The following CPEB4 variants were observed in gnomAD, a reference collection of about 807,000 sequenced individuals.
CPEB4 encodes the protein cytoplasmic polyadenylation element-binding protein 4.
CPEB4 carries 12 observed loss-of-function variants against 72.5 expected under a neutral mutation model. The ratio of observed to expected loss-of-function variants is 0.17; its 90% CI spans 0.11 to 0.27. The LOEUF (loss-of-function observed/expected upper bound fraction) is 0.27, where lower values mean the gene tolerates loss of function less well. Among genes scored for constraint, CPEB4 ranks in the 10% least tolerant of loss-of-function variants. The pLI is 1.00. For synonymous variants in CPEB4, 302 were observed against 326.3 expected (o/e 0.93, Z 0.80); for missense variants, 614 against 908.5 (o/e 0.68, Z 4.17).
intron 2 of CPEB4, among the ~76,000 whole-genome samples, chr5:173,925,505 A>C (rs1403672914): frequency 6.6e-6 from 1 of 152,238 alleles, no homozygotes; most frequent in Non-Finnish European, 1.5e-5. Context: ...TAAATTATTA[A>C]AAATTAAATT....
chr5:173,905,724 T>G (rs1460896472), intron 1 of CPEB4, among the ~76,000 whole-genome samples: 1 of 152,214 alleles, frequency 6.6e-6, no homozygotes, highest in Non-Finnish European at 1.5e-5. Flanking sequence ...TGGGCAAAAG[T>G]GGTGGACTTT....
intron 1 of CPEB4, among the ~76,000 whole-genome samples, chr5:173,892,038 T>C (rs1755831967): frequency 6.6e-6 from 1 of 152,066 alleles, no homozygotes; most frequent in Non-Finnish European, 1.5e-5. Context: ...ACACATGTGC[T>C]ACAGCTAGAG....
chr5:173,904,764 T>A (rs1756365158), intron 1 of CPEB4, among the ~76,000 whole-genome samples: 1 of 151,932 alleles, frequency 6.6e-6, no homozygotes, highest in Non-Finnish European at 1.5e-5. Context: ...AACCAATCTG[T>A]GTAGTAAATT....
chr5:173,901,633 C>T (rs559471424), intron 1 of CPEB4, among the ~76,000 whole-genome samples: 1 of 152,308 alleles, frequency 6.6e-6, no homozygotes, highest in Non-Finnish European at 1.5e-5. Context: ...AAGTCAGACT[C>T]GACCACTTAC....
intron 5 of CPEB4, among the ~76,000 whole-genome samples, chr5:173,949,211 A>G (rs578214531): frequency 2.6e-5 from 4 of 152,318 alleles, no homozygotes; most frequent in East Asian, 1.9e-4. Context: ...GCAGATACCA[A>G]TAGTTATGTT....
chr5:173,889,666 G>T lies in CPEB4; in HGVS notation c.-68G>T, dbSNP rs1441387430. The T allele has an allele frequency of 2.2e-6, 3 of 1,378,568 alleles. No individual in the cohort carries two copies. Among genetic ancestry groups the T allele is most frequent in the Non-Finnish European group, 3.0e-6 (3 of 1,012,270 alleles). 85.4% of individuals were successfully genotyped at this position (1,378,568 alleles called of 1,614,324 possible). ...GCAAACAACTTAAATTTGGGGTAGAGGAAAAAAAAGGCGTGAGACATCAGG... is the reference window on the plus strand; with the variant it reads ...GCAAACAACTTAAATTTGGGGTAGATGAAAAAAAAGGCGTGAGACATCAGG... On this transcript the variant is annotated 5_prime_UTR_variant, in exon 1 of 10. The change creates a new upstream start codon in the 5' untranslated region. Coordinates refer to ENST00000265085, the MANE Select transcript of CPEB4 (RefSeq NM_030627.4).
intron 2 of CPEB4, among the ~76,000 whole-genome samples, chr5:173,924,512 C>T (rs1298255531): frequency 6.6e-6 from 1 of 152,212 alleles, no homozygotes; most frequent in African/African-American, 2.4e-5. Flanking sequence ...TGTCCTTTCT[C>T]TTACAAGTGG....
At position 173,920,826 on chromosome 5, in the gene CPEB4, G is replaced by T. The variant is rs1757044980; in HGVS notation, c.1207+10222G>T. The stretch of plus-strand genomic sequence containing the variant: ...TCTGGGTGTGGCAGTATTTCATATG[G>T]AGTAGTTTGTATAAGGGCTATAATC... On this transcript the variant is annotated intron_variant, in intron 2 of 9. Transcript: ENST00000265085. 5.3e-5 allele frequency among the ~76,000 whole-genome samples: 8 copies of T among 152,300 alleles called. No individual in the cohort carries two copies. The South Asian group carries it at 1.2e-3, about 24-fold the overall frequency.
intron 1 of CPEB4, among the ~76,000 whole-genome samples, chr5:173,909,971 G>C (rs966444992): frequency 6.6e-6 from 1 of 150,798 alleles, no homozygotes; most frequent in African/African-American, 2.4e-5. Context: ...CTGTACTCCA[G>C]CCTGGAACAG....
chr5:173,894,026 T>A (rs1755910824), intron 1 of CPEB4, among the ~76,000 whole-genome samples: 1 of 152,164 alleles, frequency 6.6e-6, no homozygotes, highest in Non-Finnish European at 1.5e-5. Flanking sequence ...AGGGTCTCGC[T>A]TTGTCACTCA....
Position 173,890,043 on chromosome 5 carries a change from G to C in CPEB4, c.310G>C (p.Ala104Pro). 1 of 1,614,170 alleles carries C rather than the reference G, an allele frequency of 6.2e-7. No homozygotes were observed. The highest frequency in any genetic ancestry group is 8.5e-7 in the Non-Finnish European group (1 of 1,180,028). The part of the protein sequence containing the change: ...QQLSPSPGQE[A>P]GILPETEKAK... ...GCTTTCCCCAAGTCCAGGTCAGGAAGCTGGAATACTGCCTGAAACAGAGAA... is the reference window on the plus strand; with the variant it reads ...GCTTTCCCCAAGTCCAGGTCAGGAACCTGGAATACTGCCTGAAACAGAGAA... Residue 104 changes from alanine (A) to proline (P), a missense_variant, in exon 1 of 10, where the codon GCT (alanine) becomes CCT (proline). By Grantham distance (27) the Ala-to-Pro change is conservative. Around this residue, in one of 5 missense-constraint regions of CPEB4, gnomAD observed 458 missense variants for 548.6 expected, o/e 0.83. Coordinates refer to ENST00000265085, the MANE Select transcript of CPEB4 (RefSeq NM_030627.4).
In CPEB4 at chr5:173,959,350, C is replaced by G. The variant is rs1344065831; in HGVS notation, c.*3213C>G. On this transcript the variant is annotated 3_prime_UTR_variant, in exon 10 of 10. Coordinates refer to ENST00000265085, the MANE Select transcript of CPEB4 (RefSeq NM_030627.4). ...GCTTTGGTATAATATATATACTTCT[C>G]CATACACAGACCTCTGCAGAATGCA... is the stretch of plus-strand genomic sequence containing the variant. The G allele has an allele frequency of 2.0e-5, 3 of 152,756 alleles. No individual in the cohort carries two copies. Among genetic ancestry groups the G allele is most frequent in the Non-Finnish European group, 1.5e-5 (1 of 68,026 alleles). The allele number at this position is 152,756 out of a possible 1,614,324, so 9.5% of individuals were successfully genotyped here.
At chr5:173,934,534 T>G (rs1757554929) in intron 3 of CPEB4, among the ~76,000 whole-genome samples, 1 of 152,112 alleles carries the variant, frequency 6.6e-6, no homozygotes, top group South Asian at 2.1e-4. Context: ...AGTGTGGGGT[T>G]TACAGTTGCC....
intron 5 of CPEB4, among the ~76,000 whole-genome samples, chr5:173,948,757 G>T (rs1758120044): frequency 1.3e-5 from 2 of 152,060 alleles, no homozygotes; most frequent in African/African-American, 4.8e-5. Context: ...TCAGTGTCTG[G>T]TGAGGGCCTG....
Position 173,956,203 on chromosome 5 carries a change from T to C in CPEB4, c.*66T>C, listed in dbSNP as rs1193015500. 4.8e-6 allele frequency: 6 copies of C among 1,241,054 alleles called. No individual in the cohort carries two copies. The highest frequency in any genetic ancestry group is 7.1e-6 in the Non-Finnish European group (6 of 847,332). The allele number at this position is 1,241,054 out of a possible 1,614,324, so 76.9% of individuals were successfully genotyped here. ...GCACTCTTCTGTTCATTCTGACCCCTTCCTCAACCTCTTCACGCTGGCATG... is the reference window on the plus strand; with the variant it reads ...GCACTCTTCTGTTCATTCTGACCCCCTCCTCAACCTCTTCACGCTGGCATG... On this transcript the variant is annotated 3_prime_UTR_variant, in exon 10 of 10. Transcript: ENST00000265085.
rs1275341031 is a variant in CPEB4, at chr5:173,950,627, AT to A, written c.1665+550del. 2.0e-5 allele frequency among the ~76,000 whole-genome samples: 3 copies of A among 152,056 alleles called. No individual in the cohort carries two copies. Among genetic ancestry groups the A allele is most frequent in the Non-Finnish European group, 4.4e-5 (3 of 68,004 alleles). Reference sequence around the variant, plus strand: ...TCAAAATAAAATAAAATAAAATAAAATAAAATAAAAAACCAGACTTCATTTG... The same window carrying A: ...TCAAAATAAAATAAAATAAAATAAAAAAAATAAAAAACCAGACTTCATTTG... On this transcript the variant is annotated intron_variant, in intron 7 of 9. Coordinates refer to ENST00000265085, the MANE Select transcript of CPEB4 (RefSeq NM_030627.4). This position sits in a 1 kb window ranked among gnomAD's most constrained non-coding sequence, Gnocchi z 5.0.
At position 173,889,810 on chromosome 5, in the gene CPEB4, C is replaced by T; in HGVS notation, c.77C>T (p.Pro26Leu). The T allele has an allele frequency of 3.7e-6, 6 of 1,614,128 alleles. No individual in the cohort carries two copies. Among genetic ancestry groups the T allele is most frequent in the Non-Finnish European group, 5.1e-6 (6 of 1,180,000 alleles). The change falls in exon 1 of 10, where the codon CCA (proline) becomes CTA (leucine). Residue 26 changes from proline (P) to leucine (L), a missense_variant. Coordinates refer to ENST00000265085, the MANE Select transcript of CPEB4 (RefSeq NM_030627.4). ...TCTGCTTTTCCAGTCAGATTCCATC[C>T]ACATCTGCAGCCTCCACACCATCAC... Reference protein sequence around the residue: ...NKSAFPVRFHPHLQPPHHHQN... With the variant: ...NKSAFPVRFHLHLQPPHHHQN...
intron 2 of CPEB4, among the ~76,000 whole-genome samples, chr5:173,930,056 GTT>G (rs748066839): frequency 4.2e-5 from 6 of 141,674 alleles, no homozygotes; most frequent in Non-Finnish European, 3.1e-5. Flanking sequence ...CACCTCCCAA[GTT>G]TTTTTTTTTT....
chr5:173,906,630 G>A (rs1756445229), intron 1 of CPEB4, among the ~76,000 whole-genome samples: 1 of 152,132 alleles, frequency 6.6e-6, no homozygotes, highest in South Asian at 2.1e-4. Context: ...TAGAGCCTGA[G>A]AATCCTTCTC....
Sources: gnomAD v4.1 joint callset for allele counts (sites outside exome capture counted in the v4.1 genomes callset) on GRCh38, gnomAD v4.1.1 for gene constraint, gnomAD v4.1.1 regional missense constraint, Gnocchi (gnomAD v3.1) non-coding constraint, MANE v1.5 for transcripts, NCBI Gene and HGNC (gene_info 2026-07-23, HGNC 2026-07-21) for gene names.